Variants in CDH18 observed in about 807,000 individuals in gnomAD.
The protein encoded by CDH18 is cadherin-18.
In CDH18, 31 loss-of-function variants were observed where a neutral mutation model predicts 67.9. The observed-to-expected ratio is 0.46, with a 90% CI of 0.34 to 0.62. CDH18 has a LOEUF of 0.62. Ranked by LOEUF, CDH18 falls within the 20% of genes least tolerant of loss-of-function variation. CDH18 has a pLI of 0.01. For missense variants in CDH18, 890 were observed against 975.5 expected (o/e 0.91, Z 1.17); for synonymous variants, 362 against 347.2 (o/e 1.04, Z -0.48).
intron 1 of CDH18, among the ~76,000 whole-genome samples, chr5:20,521,348 C>G (rs934902298): frequency 6.6e-6 from 1 of 152,082 alleles, no homozygotes. Flanking sequence ...AACAATCAAG[C>G]CTTCTGTCCA....
rs74775152 is a variant in CDH18 at position 19,672,585 on chromosome 5, C to A, written c.643+48762G>T. On this transcript the variant is annotated intron_variant, in intron 5 of 12. Coordinates refer to ENST00000382275, the MANE Select transcript of CDH18 (RefSeq NM_004934.5). ...AATCCTCACAAATGTTAAGGAAGGACCAAACAACTTAGTAAAATTTTCTCC... is the reference window on the plus strand; with the variant it reads ...AATCCTCACAAATGTTAAGGAAGGAACAAACAACTTAGTAAAATTTTCTCC... 1.4e-4 allele frequency among the ~76,000 whole-genome samples: 21 copies of A among 151,988 alleles called. No individual in the cohort carries two copies. In the South Asian group the frequency reaches 4.1e-3, roughly 30 times the overall value.
At chr5:20,450,309 T>C (rs139494229) in intron 1 of CDH18, among the ~76,000 whole-genome samples, 2 of 152,142 alleles carry the variant, frequency 1.3e-5, no homozygotes, top group African/African-American at 4.8e-5. Context: ...ATCATGCCAT[T>C]GCACTCCAGC....
At chr5:19,717,860 C>T (rs1197020060) in intron 5 of CDH18, among the ~76,000 whole-genome samples, 3 of 151,942 alleles carry the variant, frequency 2.0e-5, no homozygotes, top group South Asian at 2.1e-4. Flanking sequence ...ATTTTATCAT[C>T]GTAGGCCCCT....
At chr5:20,275,053 A>G (rs1314345534) in intron 1 of CDH18, among the ~76,000 whole-genome samples, 1 of 152,158 alleles carries the variant, frequency 6.6e-6, no homozygotes, top group African/African-American at 2.4e-5. Flanking sequence ...AGTAGACAAG[A>G]GGGATCCTGA....
intron 1 of CDH18, among the ~76,000 whole-genome samples, chr5:20,271,333 G>A (rs1043249207): frequency 2.0e-5 from 3 of 151,956 alleles, no homozygotes; most frequent in Admixed American, 1.3e-4. Flanking sequence ...AGCTCAATGA[G>A]AGGAATAAGT....
intron 2 of CDH18, among the ~76,000 whole-genome samples, chr5:19,928,275 T>C (rs1793303903): frequency 6.6e-6 from 1 of 152,184 alleles, no homozygotes; most frequent in South Asian, 2.1e-4. Flanking sequence ...CTCAGCCACA[T>C]GTTATTTGTA....
Position 19,936,169 on chromosome 5 carries a change from T to C in CDH18, c.-257+44891A>G, listed in dbSNP as rs145945996. ...CTTTCTGTCACACAATTGATTCCAA[T>C]GTATTTTAAAATGTGTTTTTCTGAG... On this transcript the variant is annotated intron_variant, in intron 2 of 12. Coordinates refer to ENST00000382275, the MANE Select transcript of CDH18 (RefSeq NM_004934.5). Among the ~76,000 whole-genome samples, 19 of 151,438 alleles carry C rather than the reference T, an allele frequency of 1.3e-4. 1 individual carries two copies. In the East Asian group the frequency reaches 3.7e-3, roughly 29 times the overall value.
chr5:20,270,870 C>T (rs1424137592), intron 1 of CDH18, among the ~76,000 whole-genome samples: 1 of 152,024 alleles, frequency 6.6e-6, no homozygotes, highest in Non-Finnish European at 1.5e-5. Context: ...CCTTAGCAAC[C>T]TCTAATGCAG....
chr5:19,724,961 C>G (rs1211115355), intron 4 of CDH18, among the ~76,000 whole-genome samples: 1 of 141,692 alleles, frequency 7.1e-6, no homozygotes, highest in Non-Finnish European at 1.5e-5. Flanking sequence ...GAGTCTCCTT[C>G]TGTCACCTAG....
intron 2 of CDH18, among the ~76,000 whole-genome samples, chr5:19,849,035 G>A (rs1477709522): frequency 6.6e-6 from 1 of 151,594 alleles, no homozygotes; most frequent in Non-Finnish European, 1.5e-5. Flanking sequence ...ATTAAAAGAA[G>A]AATACAACTC....
At chr5:19,655,574 A>G (rs1275993143) in intron 5 of CDH18, among the ~76,000 whole-genome samples, 1 of 151,946 alleles carries the variant, frequency 6.6e-6, no homozygotes, top group African/African-American at 2.4e-5. Flanking sequence ...CATATTTGTC[A>G]ATGTTTTCTT....
At chr5:19,959,230 T>C (rs1327744390) in intron 2 of CDH18, among the ~76,000 whole-genome samples, 2 of 152,020 alleles carry the variant, frequency 1.3e-5, no homozygotes, top group Admixed American at 1.3e-4. Flanking sequence ...TATTCACATA[T>C]CTTCATTAGC....
At chr5:20,302,119 C>T (rs935892297) in intron 1 of CDH18, among the ~76,000 whole-genome samples, 1 of 152,146 alleles carries the variant, frequency 6.6e-6, no homozygotes, top group African/African-American at 2.4e-5. Flanking sequence ...ATACACCTTG[C>T]TTTAGGCCAA....
chr5:19,874,644 A>G (rs1479189170), intron 2 of CDH18, among the ~76,000 whole-genome samples: 4 of 152,342 alleles, frequency 2.6e-5, no homozygotes, highest in South Asian at 2.1e-4. Flanking sequence ...CATTTTAGAA[A>G]AATAAAGAAT....
At chr5:19,631,911 T>C (rs768065534) in intron 5 of CDH18, among the ~76,000 whole-genome samples, 4 of 152,194 alleles carry the variant, frequency 2.6e-5, no homozygotes, top group Non-Finnish European at 4.4e-5. Context: ...ACTAATTTCA[T>C]AAATGATTTA....
At chr5:19,748,852 T>C (rs1046109981) in intron 3 of CDH18, among the ~76,000 whole-genome samples, 1 of 152,134 alleles carries the variant, frequency 6.6e-6, no homozygotes, top group Admixed American at 6.5e-5. Flanking sequence ...CACTTCTTTC[T>C]TGAAAGCATG....
intron 1 of CDH18, among the ~76,000 whole-genome samples, chr5:20,367,067 A>G (rs1448292385): frequency 1.3e-5 from 2 of 152,038 alleles, no homozygotes; most frequent in African/African-American, 4.8e-5. Context: ...ACCAGCTTCT[A>G]ATACCTCTTG....
intron 2 of CDH18, among the ~76,000 whole-genome samples, chr5:20,116,530 T>A (rs1469710300): frequency 6.6e-6 from 1 of 151,520 alleles, no homozygotes; most frequent in African/African-American, 2.4e-5. Context: ...AAAAAAAAAT[T>A]AAACTGTTCA....
At chr5:19,896,567 C>T (rs889668864) in intron 2 of CDH18, among the ~76,000 whole-genome samples, 8 of 152,006 alleles carry the variant, frequency 5.3e-5, no homozygotes, top group Admixed American at 5.2e-4. Flanking sequence ...CTAGAGCCTC[C>T]AAAGCGAGCA....
Sources: gnomAD v4.1 joint callset for allele counts (sites outside exome capture counted in the v4.1 genomes callset) on GRCh38, gnomAD v4.1.1 for gene constraint, MANE v1.5 for transcripts, NCBI Gene and HGNC (gene_info 2026-07-23, HGNC 2026-07-21) for gene names.